ATXN2: variants seen among roughly 807,000 people sequenced by gnomAD.
ATXN2 encodes the protein ataxin-2.
Under a neutral mutation model 138.6 loss-of-function variants are expected in ATXN2, and 37 were observed. The observed-to-expected ratio is 0.27, with a 90% CI of 0.21 to 0.35. The LOEUF (loss-of-function observed/expected upper bound fraction) is 0.35. Among genes scored for constraint, ATXN2 ranks in the 10% least tolerant of loss-of-function variants. The pLI is 1.00. For missense variants in ATXN2, 1,216 were observed against 1,480.3 expected (o/e 0.82, Z 2.93); for synonymous variants, 549 against 543.7 (o/e 1.01, Z -0.13).
In ATXN2 at chr12:111,539,789, A is replaced by G. The variant is rs1022232129; in HGVS notation, c.571+12491T>C. On this transcript the variant is annotated intron_variant, in intron 5 of 24. Transcript: ENST00000673436. The stretch of plus-strand genomic sequence containing the variant: ...AAATAAAAAAAGAAAAAAGAAGAAA[A>G]TGATTCTGTAGAAGAACTAAGACAA... 4.7e-5 allele frequency among the ~76,000 whole-genome samples: 7 copies of G among 150,176 alleles called. No homozygotes were observed. In the South Asian group the frequency reaches 1.5e-3, roughly 32 times the overall value.
intron 1 of ATXN2, among the ~76,000 whole-genome samples, chr12:111,579,541 C>T (rs551241144): frequency 2.2e-4 from 33 of 152,052 alleles, no homozygotes; most frequent in African/African-American, 7.5e-4. Context: ...GGATTACAGG[C>T]GTGAGACATC....
intron 1 of ATXN2, among the ~76,000 whole-genome samples, chr12:111,565,879 C>T (rs1336183259): frequency 6.6e-6 from 1 of 151,790 alleles, no homozygotes; most frequent in Non-Finnish European, 1.5e-5. Flanking sequence ...GCCTGTAATC[C>T]CAGCTACTCA....
rs924878916 is a variant in ATXN2 at position 111,520,776 on chromosome 12, T to C, written c.788+106A>G. 1.4e-5 allele frequency: 9 copies of C among 626,598 alleles called. No individual in the cohort carries two copies. The Admixed American group carries it at 1.5e-4, about 11-fold the overall frequency. The allele number at this position is 626,598 out of a possible 1,614,324, so 38.8% of individuals were successfully genotyped here. On this transcript the variant is annotated intron_variant, in intron 7 of 24. Coordinates refer to ENST00000673436, the MANE Select transcript of ATXN2 (RefSeq NM_001372574.1). The stretch of plus-strand genomic sequence containing the variant: ...TGGTAATAAGAGAAAAATTATTTCA[T>C]GTAATTGTTTAACTTAAAAACTAAC...
intron 1 of ATXN2, among the ~76,000 whole-genome samples, chr12:111,558,692 T>C (rs1019339945): frequency 1.3e-5 from 2 of 151,888 alleles, no homozygotes; most frequent in Non-Finnish European, 2.9e-5. Context: ...CGCTACTTGG[T>C]AGGGTGAGGT....
chr12:111,479,901 T>C (rs1247960856), intron 18 of ATXN2, among the ~76,000 whole-genome samples: 1 of 149,832 alleles, frequency 6.7e-6, no homozygotes, highest in Non-Finnish European at 1.5e-5. Context: ...GGCTCACATC[T>C]GTAATCCTAG....
At chr12:111,499,995 C>A (rs1422471958) in intron 14 of ATXN2, among the ~76,000 whole-genome samples, 1 of 152,162 alleles carries the variant, frequency 6.6e-6, no homozygotes, top group African/African-American at 2.4e-5. Flanking sequence ...AAAGGGGAAC[C>A]TTCACACACT....
intron 2 of ATXN2, 43 bp from the exon 3 acceptor site, chr12:111,554,260 A>C: frequency 7.9e-7 from 1 of 1,265,792 alleles, no homozygotes; most frequent in Non-Finnish European, 1.1e-6. Flanking sequence ...AATTAGTACA[A>C]ACTGAATCTT....
At chr12:111,490,443 G>C (rs1474958523) in intron 14 of ATXN2, among the ~76,000 whole-genome samples, 4 of 152,032 alleles carry the variant, frequency 2.6e-5, no homozygotes, top group Non-Finnish European at 4.4e-5. Context: ...TAGTCAGCTT[G>C]GAAGGTCATT....
intron 14 of ATXN2, among the ~76,000 whole-genome samples, chr12:111,504,898 A>G (rs756388395): frequency 6.6e-5 from 10 of 152,074 alleles, no homozygotes; most frequent in Non-Finnish European, 1.3e-4. Flanking sequence ...CCCGATCCAG[A>G]CCCCCAGAGA....
intron 5 of ATXN2, among the ~76,000 whole-genome samples, chr12:111,539,142 G>A (rs1490224633): frequency 1.3e-5 from 2 of 150,118 alleles, no homozygotes; most frequent in African/African-American, 4.8e-5. Flanking sequence ...GTGGGGAGGA[G>A]GAGGAAAAGC....
intron 18 of ATXN2, chr12:111,471,020 G>A: frequency 2.4e-6 from 1 of 421,042 alleles, no homozygotes; most frequent in Non-Finnish European, 4.4e-6. Context: ...TTCTCTCATG[G>A]CCCTCAGACT....
chr12:111,463,663 T>C (rs1264202222), intron 21 of ATXN2, among the ~76,000 whole-genome samples: 1 of 152,208 alleles, frequency 6.6e-6, no homozygotes, highest in African/African-American at 2.4e-5. Context: ...ACTTTCTCCA[T>C]GAAGGAGCAA....
At chr12:111,473,151 G>A (rs1403227168) in intron 18 of ATXN2, among the ~76,000 whole-genome samples, 2 of 151,856 alleles carry the variant, frequency 1.3e-5, no homozygotes, top group African/African-American at 4.8e-5. Context: ...GTGCTTGCCT[G>A]TAGTCCCAGC....
intron 1 of ATXN2, among the ~76,000 whole-genome samples, chr12:111,597,453 G>T (rs1884993608): frequency 6.6e-6 from 1 of 152,212 alleles, no homozygotes; most frequent in South Asian, 2.1e-4. Flanking sequence ...AACACGGATG[G>T]ACTTGAGGCA....
At chr12:111,543,260 T>C (rs1472419982) in intron 5 of ATXN2, among the ~76,000 whole-genome samples, 1 of 152,080 alleles carries the variant, frequency 6.6e-6, no homozygotes, top group Non-Finnish European at 1.5e-5. Context: ...TCAGAAGAGA[T>C]CCCTGTTTGT....
At chr12:111,478,604 G>C (rs969545554) in intron 18 of ATXN2, among the ~76,000 whole-genome samples, 1 of 152,114 alleles carries the variant, frequency 6.6e-6, no homozygotes, top group African/African-American at 2.4e-5. Flanking sequence ...ACAATACCAA[G>C]TGTTGGCAAG....
At chr12:111,490,294 G>A (rs1019233145) in intron 14 of ATXN2, among the ~76,000 whole-genome samples, 10 of 152,014 alleles carry the variant, frequency 6.6e-5, no homozygotes, top group South Asian at 4.1e-4. Context: ...CAGTCTATAC[G>A]GAATTTTAAG....
Position 111,598,635 on chromosome 12 carries a change from G to C in ATXN2, c.251+149C>G. ...GCTGCGCCCACCGGCCGAGCCTCGG[G>C]GCTCAGGCCCGAGCGAGTCTCCCCC... On this transcript the variant is annotated intron_variant, in intron 1 of 24. Coordinates refer to ENST00000673436, the MANE Select transcript of ATXN2 (RefSeq NM_001372574.1). The surrounding 1 kb of genome is among the most constrained non-coding windows in gnomAD (Gnocchi z 4.5). The C allele has an allele frequency of 1.1e-6, 1 of 932,074 alleles. No homozygotes were observed. 57.7% of individuals were successfully genotyped at this position (932,074 alleles called of 1,614,324 possible).
intron 14 of ATXN2, among the ~76,000 whole-genome samples, chr12:111,494,425 C>CTTTT (rs757341708): frequency 7.5e-6 from 1 of 133,750 alleles, no homozygotes; most frequent in Non-Finnish European, 1.6e-5. Flanking sequence ...TATGTGATCT[C>CTTTT]TTTTTTTTTT....
Sources: gnomAD v4.1 joint callset for allele counts (sites outside exome capture counted in the v4.1 genomes callset) on GRCh38, gnomAD v4.1.1 for gene constraint, Gnocchi (gnomAD v3.1) non-coding constraint, MANE v1.5 for transcripts, NCBI Gene and HGNC (gene_info 2026-07-23, HGNC 2026-07-21) for gene names.